Variants in SLC38A12 observed in about 807,000 individuals in gnomAD.
SLC38A12 encodes solute carrier family 38 member 12.
At chr17:74,805,894 G>T in the SLC38A12 span, among the ~76,000 whole-genome samples, 1 of 152,338 alleles carries the variant, frequency 6.6e-6, no homozygotes, top group Admixed American at 6.5e-5. The surrounding 1 kb of genome is among the most constrained non-coding windows in gnomAD (Gnocchi z 5.0). Flanking sequence ...GCAACAGAGG[G>T]CGATGGCACT....
At chr17:74,831,826 G>A in the SLC38A12 span, among the ~76,000 whole-genome samples, 16 of 152,340 alleles carry the variant, frequency 1.1e-4, no homozygotes, top group South Asian at 3.3e-3. Context: ...CAGCCTCCAC[G>A]AGGTGGGCGC....
At chr17:74,808,121 C>T in the SLC38A12 span, among the ~76,000 whole-genome samples, 11 of 152,352 alleles carry the variant, frequency 7.2e-5, no homozygotes, top group South Asian at 1.0e-3. Flanking sequence ...GCTTTTCAGC[C>T]GAGAAAGAGC....
chr17:74,825,523 A>G, the SLC38A12 span, among the ~76,000 whole-genome samples: 1 of 152,210 alleles, frequency 6.6e-6, no homozygotes, highest in Admixed American at 6.5e-5. Context: ...CTTCCTTAGC[A>G]TCAGTCAGGA....
the SLC38A12 span, among the ~76,000 whole-genome samples, chr17:74,816,882 CT>C: frequency 6.6e-6 from 1 of 152,150 alleles, no homozygotes; most frequent in Non-Finnish European, 1.5e-5. Context: ...AGTAGGCTGT[CT>C]CTTTTGGCTT....
At chr17:74,806,190 C>CA in the SLC38A12 span, among the ~76,000 whole-genome samples, 1 of 152,210 alleles carries the variant, frequency 6.6e-6, no homozygotes, top group Admixed American at 6.5e-5. Context: ...CTGTTCCTCT[C>CA]ACGCTCTCTT....
chr17:74,788,385 C>T, the SLC38A12 span, among the ~76,000 whole-genome samples: 1 of 152,148 alleles, frequency 6.6e-6, no homozygotes, highest in Non-Finnish European at 1.5e-5. Context: ...GACGTGAAAG[C>T]TGCCTGCTGT....
the SLC38A12 span, among the ~76,000 whole-genome samples, chr17:74,787,135 G>A: frequency 3.9e-5 from 6 of 152,202 alleles, no homozygotes; most frequent in East Asian, 7.7e-4. Context: ...GTGCTGAGGC[G>A]ATTGGAATGG....
the SLC38A12 span, chr17:74,836,296 C>G: frequency 3.7e-6 from 6 of 1,612,576 alleles, no homozygotes; most frequent in Non-Finnish European, 5.1e-6. This position sits in a 1 kb window ranked among gnomAD's most constrained non-coding sequence, Gnocchi z 4.2. Context: ...ACCATCAGCA[C>G]CAACTTCCCC....
the SLC38A12 span, among the ~76,000 whole-genome samples, chr17:74,819,217 C>T: frequency 6.6e-6 from 1 of 152,190 alleles, no homozygotes; most frequent in Non-Finnish European, 1.5e-5. Flanking sequence ...AAAACGTGGC[C>T]CATGCACATC....
chr17:74,813,583 CT>C, the SLC38A12 span, among the ~76,000 whole-genome samples: 1 of 152,176 alleles, frequency 6.6e-6, no homozygotes, highest in Non-Finnish European at 1.5e-5. Context: ...TCACTACAAC[CT>C]CTGCCTCCCG....
chr17:74,814,568 T>G, the SLC38A12 span, among the ~76,000 whole-genome samples: 9 of 152,340 alleles, frequency 5.9e-5, no homozygotes, highest in East Asian at 1.7e-3. Context: ...GAAGAGTTAT[T>G]CCCTGACTAT....
chr17:74,777,536 G>A, the SLC38A12 span: 1 of 1,543,936 alleles, frequency 6.5e-7, no homozygotes, highest in Non-Finnish European at 8.7e-7. Context: ...CAGTGCTGCT[G>A]TGGTGGCTCA....
chr17:74,833,060 G>C, the SLC38A12 span, among the ~76,000 whole-genome samples: 1 of 152,168 alleles, frequency 6.6e-6, no homozygotes, highest in East Asian at 1.9e-4. Flanking sequence ...GTCTTGCCCT[G>C]TTGCCCAGGC....
the SLC38A12 span, among the ~76,000 whole-genome samples, chr17:74,829,732 T>C: frequency 5.2e-3 from 798 of 152,220 alleles, 1 homozygote; most frequent in Middle Eastern, 0.01. The surrounding 1 kb of genome is among the most constrained non-coding windows in gnomAD (Gnocchi z 4.1). Context: ...TAGGGGCTCC[T>C]GGGATGGCTC....
chr17:74,778,039 T>C, the SLC38A12 span, among the ~76,000 whole-genome samples: 1 of 152,106 alleles, frequency 6.6e-6, no homozygotes, highest in Non-Finnish European at 1.5e-5. Context: ...GGAAACCGCT[T>C]TGGTCTTTAC....
At chr17:74,836,009 G>A in the SLC38A12 span, 37 of 1,611,700 alleles carry the variant, frequency 2.3e-5, no homozygotes, top group African/African-American at 6.7e-5. The surrounding 1 kb of genome is among the most constrained non-coding windows in gnomAD (Gnocchi z 4.2). Context: ...CTGACTTCTC[G>A]GGGGTCCGGA....
chr17:74,796,873 T>C, the SLC38A12 span, among the ~76,000 whole-genome samples: 2 of 152,228 alleles, frequency 1.3e-5, 1 homozygote. Flanking sequence ...TGAGGCTCAT[T>C]AGCCTCTTAG....
At chr17:74,838,635 C>G in the SLC38A12 span, 8 of 1,367,044 alleles carry the variant, frequency 5.9e-6, no homozygotes, top group Non-Finnish European at 7.6e-6. Flanking sequence ...GGGACCCTCA[C>G]CACTGCCGTT....
chr17:74,803,533 G>A, the SLC38A12 span, among the ~76,000 whole-genome samples: 1 of 152,186 alleles, frequency 6.6e-6, no homozygotes, highest in African/African-American at 2.4e-5. Flanking sequence ...TCTGCGCTGA[G>A]CTTTTTCAGG....
Sources: allele counts gnomAD v4.1 joint callset (sites outside exome capture counted in the v4.1 genomes callset), GRCh38; gene constraint gnomAD v4.1.1; non-coding constraint Gnocchi (gnomAD v3.1); transcripts MANE v1.5; gene names NCBI Gene and HGNC (gene_info 2026-07-23, HGNC 2026-07-21).